SNRNP200: variants seen among roughly 807,000 people sequenced by gnomAD.
The protein encoded by SNRNP200 is U5 small nuclear ribonucleoprotein 200 kDa helicase.
Under a neutral mutation model 255.2 loss-of-function variants are expected in SNRNP200, and 66 were observed. The observed-to-expected ratio is 0.26, with a 90% CI of 0.21 to 0.32. The LOEUF (loss-of-function observed/expected upper bound fraction) is 0.32. Ranked by LOEUF, SNRNP200 falls within the 10% of genes least tolerant of loss-of-function variation. The probability of loss-of-function intolerance (pLI) is 1.00; values close to 1 mark genes in which losing one functional copy is unlikely to be tolerated. For synonymous variants in SNRNP200, 939 were observed against 1,027.8 expected, an observed-to-expected ratio of 0.91 and a Z score of 1.65; for missense variants, 1,585 against 2,749.8, an observed-to-expected ratio of 0.58 and a Z score of 9.47.
chr2:96,293,264 AAG>A (rs747165882), intron 15 of SNRNP200, 50 bp downstream of exon 15: 76 of 1,592,752 alleles, frequency 4.8e-5, no homozygotes, highest in Non-Finnish European at 6.2e-5. Flanking sequence ...GAAAAGAGGA[AAG>A]AGAGCAGGAT....
chr2:96,296,605 A>G lies in SNRNP200; in HGVS notation c.1602T>C (p.Asp534=), dbSNP rs2063918554. The G allele has an allele frequency of 1.2e-6, 2 of 1,614,150 alleles. No individual in the cohort carries two copies. The highest frequency in any genetic ancestry group is 1.7e-6 in the Non-Finnish European group (2 of 1,180,020). Reference sequence around the variant, plus strand: ...GGGCAATGTAGATAATCTTGAAGTCATCCACATTGATGGTGCCGTCCATGT... The same window carrying G: ...GGGCAATGTAGATAATCTTGAAGTCGTCCACATTGATGGTGCCGTCCATGT... ...HINMDGTINV[D]DFKIIYIAPM... The change falls in exon 13 of 45, where the codon GAT becomes GAC. Residue 534 remains aspartate, a synonymous_variant. Transcript: ENST00000323853.
chr2:96,276,473 G>T, intron 43 of SNRNP200: 1 of 215,166 alleles, frequency 4.6e-6, no homozygotes, highest in Non-Finnish European at 9.4e-6. Flanking sequence ...CTGGGCTGGT[G>T]TGCAGTGGGG....
chr2:96,289,048 G>A lies in SNRNP200; in HGVS notation c.3163C>T (p.Pro1055Ser). Residue 1055 changes from proline to serine, a missense_variant, in exon 23 of 45, where the codon CCC (proline) becomes TCC (serine). This residue lies in a region of SNRNP200 where 719 missense variants were observed against 1,091.1 expected (regional missense o/e 0.66). Coordinates refer to ENST00000323853, the MANE Select transcript of SNRNP200 (RefSeq NM_014014.5). ...PIPVKESIEE[P>S]SAKINVLLQA... is the part of the protein sequence containing the mutation. ...GGAGAGGAGCTCACCTTAGCACTGGGTTCCTCAATGCTCTCCTTTACAGGG... is the reference window on the plus strand; with the variant it reads ...GGAGAGGAGCTCACCTTAGCACTGGATTCCTCAATGCTCTCCTTTACAGGG... 6.2e-7 allele frequency: 1 copy of A among 1,611,856 alleles called. No homozygotes were observed. Among genetic ancestry groups the A allele is most frequent in the African/African-American group, 1.3e-5 (1 of 75,010 alleles).
In SNRNP200 at chr2:96,277,773, C is replaced by T. The variant is rs1412848725; in HGVS notation, c.5754+34G>A. On this transcript the variant is annotated intron_variant, in intron 40 of 44. Transcript: ENST00000323853. This position sits in a 1 kb window ranked among gnomAD's most constrained non-coding sequence, Gnocchi z 4.4. ...AGTTGGAGCTGAGATGTTTAGAGCA[C>T]CACTGACCCCTCTGCCCCACACCCA... The T allele has an allele frequency of 3.1e-6, 5 of 1,614,024 alleles. No individual in the cohort carries two copies. In the African/African-American group the frequency reaches 6.7e-5, roughly 22 times the overall value.
intron 35 of SNRNP200, among the ~76,000 whole-genome samples, chr2:96,280,383 A>C (rs893439980): frequency 4.6e-5 from 7 of 152,016 alleles, no homozygotes; most frequent in Non-Finnish European, 8.8e-5. Flanking sequence ...TGGTAGTCCC[A>C]GCTACTTGGG....
rs1300971648 is a variant in SNRNP200, at chr2:96,277,035, G to A, written c.6092+46C>T. 9 of 1,613,926 alleles carry A rather than the reference G, an allele frequency of 5.6e-6. No individual in the cohort carries two copies. In the East Asian group the frequency reaches 2.0e-4, roughly 36 times the overall value. ...CGTCAGTGATGGGGCAGTGGGCTCA[G>A]AGCACACTATTATGCTGTGCCCAAC... On this transcript the variant is annotated intron_variant, in intron 42 of 44. Transcript: ENST00000323853. The surrounding 1 kb of genome is among the most constrained non-coding windows in gnomAD (Gnocchi z 4.4).
chr2:96,300,468 A>T (rs750705813), intron 5 of SNRNP200, among the ~76,000 whole-genome samples: 3 of 152,224 alleles, frequency 2.0e-5, no homozygotes, highest in African/African-American at 4.8e-5. Context: ...TATTTTAAAT[A>T]ATTATATTGT....
Position 96,275,037 on chromosome 2 carries a change from G to A in SNRNP200, c.6386C>T (p.Ala2129Val), listed in dbSNP as rs1249480058. ...TCAATCTGAATCACTGTCTGTCTCA[G>A]CTTCTTTCACATCCACGCTGAATTT... ...EYKFSVDVKE[A>V]ETDSDSD Residue 2129 changes from alanine (A) to valine (V), a missense_variant, in exon 45 of 45, where the codon GCT (alanine) becomes GTT (valine). Transcript: ENST00000323853. 2 of 1,614,218 alleles carry A rather than the reference G, an allele frequency of 1.2e-6. No homozygotes were observed. Among genetic ancestry groups the A allele is most frequent in the Non-Finnish European group, 1.7e-6 (2 of 1,180,046 alleles).
At chr2:96,301,857 T>C (rs1458133245) in intron 3 of SNRNP200, 141 bp from the exon 4 acceptor site, 2 of 839,688 alleles carry the variant, frequency 2.4e-6, no homozygotes, top group African/African-American at 1.7e-5. Context: ...TTCTCATTAA[T>C]GCTGATGCCA....
At chr2:96,298,180 T>C in intron 9 of SNRNP200, 104 bp downstream of exon 9, 1 of 1,535,098 alleles carries the variant, frequency 6.5e-7, no homozygotes, top group Non-Finnish European at 9.0e-7. Flanking sequence ...ATTTAGGAAA[T>C]TACTTTTTCA....
chr2:96,275,360 C>A lies in SNRNP200; in HGVS notation c.6175-11G>T, dbSNP rs762711311. 3 of 1,611,966 alleles carry A rather than the reference C, an allele frequency of 1.9e-6. No homozygotes were observed. The East Asian group carries it at 6.7e-5, about 36-fold the overall frequency. Reference sequence around the variant, plus strand: ...GCCCTCTTCACGTTTCTGCAGTGATCCAAAACCAAGAATTTCAGCATGTAA... The same window carrying A: ...GCCCTCTTCACGTTTCTGCAGTGATACAAAACCAAGAATTTCAGCATGTAA... On this transcript the variant is annotated splice_polypyrimidine_tract_variant and intron_variant, in intron 43 of 44. Coordinates refer to ENST00000323853, the MANE Select transcript of SNRNP200 (RefSeq NM_014014.5).
At position 96,285,229 on chromosome 2, in the gene SNRNP200, G is replaced by A. The variant is rs758995762; in HGVS notation, c.4115C>T (p.Ser1372Leu). The A allele has an allele frequency of 6.2e-6, 10 of 1,614,126 alleles. No individual in the cohort carries two copies. Among genetic ancestry groups the A allele is most frequent in the Middle Eastern group, 1.6e-4 (1 of 6,062 alleles). Residue 1372 changes from serine (S) to leucine (L), a missense_variant, in exon 30 of 45, where the codon TCG becomes TTG. Ser to Leu is a moderately radical substitution (Grantham distance 145). Coordinates refer to ENST00000323853, the MANE Select transcript of SNRNP200 (RefSeq NM_014014.5). ...FAILRMLLQS[S>L]EGRCVYITPM... ...GGTGATGTACACACAGCGCCCCTCC[G>A]AGCTCTGCAGCAGCATTCGCAGGAT... is the stretch of plus-strand genomic sequence containing the variant.
intron 5 of SNRNP200, among the ~76,000 whole-genome samples, chr2:96,300,530 G>A (rs1020853308): frequency 2.6e-5 from 4 of 152,088 alleles, no homozygotes; most frequent in Non-Finnish European, 5.9e-5. Flanking sequence ...GGAGGCCGAC[G>A]GGGGGCGGAT....
intron 35 of SNRNP200, among the ~76,000 whole-genome samples, chr2:96,280,330 A>G (rs1401400771): frequency 6.6e-6 from 1 of 152,028 alleles, no homozygotes; most frequent in East Asian, 1.9e-4. Context: ...AAACCCATCT[A>G]TACAAAAAAA....
At position 96,298,713 on chromosome 2, in the gene SNRNP200, C is replaced by G. The variant is rs200533512; in HGVS notation, c.883-11G>C. ...ATCATCACTGGCCGTCTGCAGAGAG[C>G]AGGTAACACCACCATTAAGGCCAAA... On this transcript the variant is annotated splice_polypyrimidine_tract_variant and intron_variant, in intron 7 of 44. Coordinates refer to ENST00000323853, the MANE Select transcript of SNRNP200 (RefSeq NM_014014.5). The G allele has an allele frequency of 1.9e-6, 3 of 1,614,090 alleles. No homozygotes were observed. In the African/African-American group the frequency reaches 4.0e-5, roughly 22 times the overall value.
rs1261759004 is a variant in SNRNP200 at position 96,276,993 on chromosome 2, G to A, written c.6093-8C>T. ...ACCACAACTGGCCCGCCACTGCAGG[G>A]GGAGAGGAGGGGCGCACGTCAGTGA... On this transcript the variant is annotated splice_region_variant and splice_polypyrimidine_tract_variant and intron_variant, in intron 42 of 44. Coordinates refer to ENST00000323853, the MANE Select transcript of SNRNP200 (RefSeq NM_014014.5). 6.8e-6 allele frequency: 11 copies of A among 1,614,014 alleles called. No individual in the cohort carries two copies. The highest frequency in any genetic ancestry group is 9.3e-6 in the Non-Finnish European group (11 of 1,180,044).
chr2:96,282,239 C>A, intron 34 of SNRNP200: 1 of 346,504 alleles, frequency 2.9e-6, no homozygotes, highest in South Asian at 2.9e-5. Flanking sequence ...CTCATGCAGC[C>A]ACGGGCTGGC....
chr2:96,286,212 TCCCAAGTGCCTGAGCACC>T lies in SNRNP200; in HGVS notation c.4003+81_4003+98del. The T allele has an allele frequency of 8.1e-7, 1 of 1,240,976 alleles. No homozygotes were observed. Among genetic ancestry groups the T allele is most frequent in the South Asian group, 1.2e-5 (1 of 82,912 alleles). The allele number at this position is 1,240,976 out of a possible 1,614,324, so 76.9% of individuals were successfully genotyped here. A position where few individuals can be genotyped will look rare whatever the true frequency, so the allele number is the denominator to read the frequency against. On this transcript the variant is annotated intron_variant, in intron 29 of 44. Coordinates refer to ENST00000323853, the MANE Select transcript of SNRNP200 (RefSeq NM_014014.5). This position sits in a 1 kb window ranked among gnomAD's most constrained non-coding sequence, Gnocchi z 4.8. ...GGTCACACTGAGGAGCTCCCAGACC[TCCCAAGTGCCTGAGCACC>T]CCCACTCCCCTGCCTGCCACAGAGC...
In SNRNP200 at chr2:96,305,420, G is replaced by A. The variant is rs1189770268; in HGVS notation, c.18C>T (p.Ala6=). 1 of 1,614,020 alleles carries A rather than the reference G, an allele frequency of 6.2e-7. No individual in the cohort carries two copies. The highest frequency in any genetic ancestry group is 8.5e-7 in the Non-Finnish European group (1 of 1,180,036). The part of the protein sequence containing the change: MADVT[A]RSLQYEYKAN... ...CCTTGTACTCGTATTGCAGACTACG[G>A]GCGGTTACATCCGCCATGGCCGCGG... Residue 6 remains alanine, a synonymous_variant, in exon 1 of 45, where the codon GCC becomes GCT. Coordinates refer to ENST00000323853, the MANE Select transcript of SNRNP200 (RefSeq NM_014014.5).
Sources: gnomAD v4.1 joint callset for allele counts (sites outside exome capture counted in the v4.1 genomes callset) on GRCh38, gnomAD v4.1.1 for gene constraint, gnomAD v4.1.1 regional missense constraint, Gnocchi (gnomAD v3.1) non-coding constraint, MANE v1.5 for transcripts, NCBI Gene and HGNC (gene_info 2026-07-23, HGNC 2026-07-21) for gene names.